The following UPF3B variants were observed in gnomAD, a reference collection of about 807,000 sequenced individuals.
UPF3B encodes UPF3B regulator of nonsense mediated mRNA decay, also known as regulator of nonsense transcripts 3B.
Under a neutral mutation model 40.3 loss-of-function variants are expected in UPF3B, and 7 were observed. That is an observed-to-expected ratio of 0.17 (90% CI 0.10 to 0.33). The LOEUF is 0.33. Ranked by LOEUF, UPF3B falls within the 10% of genes least tolerant of loss-of-function variation. UPF3B has a pLI of 1.00. For synonymous variants in UPF3B, 117 were observed against 117.3 expected, an observed-to-expected ratio of 1.00 and a Z score of 0.01; for missense variants, 229 against 358.9, an observed-to-expected ratio of 0.64 and a Z score of 2.93.
At chrX:119,813,394 C>T (rs750547132) in intron 5 of UPF3B, among the ~76,000 whole-genome samples, 14 of 109,698 alleles carry the variant, frequency 1.3e-4, no homozygotes, top group African/African-American at 4.3e-4. Context: ...ACCTCCTCCC[C>T]GCACTCACTC....
rs2056306643 is a variant in UPF3B, at chrX:119,851,764, T to TTTTTTTTTTTTTA, written c.263+2_263+3insTAAAAAAAAAAAA. 3.4e-5 allele frequency: 33 copies of TTTTTTTTTTTTTA among 968,357 alleles called. No individual in the cohort carries two copies. Among genetic ancestry groups the TTTTTTTTTTTTTA allele is most frequent in the Non-Finnish European group, 4.5e-5 (32 of 710,088 alleles). The allele number at this position is 968,357 out of a possible 1,213,427, so 79.8% of individuals were successfully genotyped here. A position where few individuals can be genotyped will look rare whatever the true frequency, so the allele number is the denominator to read the frequency against. On this transcript the variant is annotated splice_region_variant and intron_variant, in intron 2 of 10. Transcript: ENST00000276201. ...ACCCCTTTCCTTTTTTTTTTTTTTT[T>TTTTTTTTTTTTTA]ACCTCGTATCATTAGAAAAAAACTC...
rs184119627 is a variant in UPF3B, at chrX:119,816,454, C to T, written c.495-1147G>A. Reference sequence around the variant, plus strand: ...AAGGACTTATTTGAATCCCTGACCCCAGGGCCTGGCACACAGTCAGTGATT... The same window carrying T: ...AAGGACTTATTTGAATCCCTGACCCTAGGGCCTGGCACACAGTCAGTGATT... On this transcript the variant is annotated intron_variant, in intron 4 of 6. Transcript: ENST00000636792. Among the ~76,000 whole-genome samples, 8 of 111,574 alleles carry T rather than the reference C, an allele frequency of 7.2e-5. No homozygotes were observed. In the Admixed American group the frequency reaches 7.7e-4, roughly 11 times the overall value.
rs933960821 is a variant in UPF3B, at chrX:119,834,174, T to C, written c.*704A>G. ...GAGACCTAAGATCAAACACACTGGA[T>C]TGTCAAGAGTCAAACAAGGACTACA... On this transcript the variant is annotated 3_prime_UTR_variant, in exon 11 of 11. Coordinates refer to ENST00000276201, the MANE Select transcript of UPF3B (RefSeq NM_080632.3). The C allele has an allele frequency of 5.3e-6, 4 of 753,543 alleles. No homozygotes were observed. The highest frequency in any genetic ancestry group is 1.5e-4 in the East Asian group (1 of 6,619). The allele number at this position is 753,543 out of a possible 1,213,427, so 62.1% of individuals were successfully genotyped here. A position where few individuals can be genotyped will look rare whatever the true frequency, so the allele number is the denominator to read the frequency against.
downstream of UPF3B, chrX:119,833,883 A>G (rs1394784805): frequency 4.4e-6 from 1 of 226,522 alleles, no homozygotes; most frequent in Non-Finnish European, 6.3e-6. Flanking sequence ...GTTTTGGGTG[A>G]GATGCCTGCT....
At chrX:119,840,756 C>A (rs989040583) in intron 7 of UPF3B, 72 bp from the exon 8 acceptor site, 69 of 1,035,584 alleles carry the variant, frequency 6.7e-5, no homozygotes, top group Non-Finnish European at 8.8e-5. Context: ...TGAAAAAAAA[C>A]CATAAATCAT....
At chrX:119,810,713 A>C (rs1466409941) in intron 5 of UPF3B, among the ~76,000 whole-genome samples, 1 of 111,652 alleles carries the variant, frequency 9.0e-6, no homozygotes, top group Non-Finnish European at 1.9e-5. Context: ...ATTTTGAGAG[A>C]GTTTCAATGG....
intron 5 of UPF3B, 133 bp downstream of exon 5, chrX:119,843,058 T>A (rs1294348317): frequency 4.1e-6 from 2 of 492,766 alleles, no homozygotes; most frequent in Non-Finnish European, 7.2e-6. Context: ...GGTATTACCA[T>A]CTGCAATTTA....
Position 119,845,221 on chromosome X carries a change from G to T in UPF3B, c.446C>A (p.Thr149Asn). ...AAKKKTKKRD[T>N]KVGTIDDDPE... ...ACCATCATCGATAGTCCCGACTTTG[G>T]TATCTCTTTTCTTAGTCTTCTTTTT... Residue 149 changes from threonine to asparagine, a missense_variant, in exon 4 of 11, where the codon ACC (threonine) becomes AAC (asparagine). Around this residue, in one of 3 missense-constraint regions of UPF3B, gnomAD observed 87 missense variants for 184.2 expected, o/e 0.47. Coordinates refer to ENST00000276201, the MANE Select transcript of UPF3B (RefSeq NM_080632.3). 8.3e-7 allele frequency: 1 copy of T among 1,208,923 alleles called. No individual in the cohort carries two copies. The highest frequency in any genetic ancestry group is 1.1e-6 in the Non-Finnish European group (1 of 893,271).
intron 1 of UPF3B, 51 bp downstream of exon 1, chrX:119,852,722 C>T: frequency 1.7e-5 from 21 of 1,209,743 alleles, no homozygotes; most frequent in Non-Finnish European, 2.2e-5. Context: ...CCATCCTCCC[C>T]GCGCTGCGGA....
downstream of UPF3B, among the ~76,000 whole-genome samples, chrX:119,830,292 G>A (rs1464080637): frequency 9.0e-6 from 1 of 110,905 alleles, no homozygotes; most frequent in Admixed American, 9.7e-5. Flanking sequence ...TGTTGTAGGT[G>A]GGGCCTGGTG....
downstream of UPF3B, among the ~76,000 whole-genome samples, chrX:119,830,841 T>C (rs1453280128): frequency 8.9e-6 from 1 of 111,793 alleles, no homozygotes; most frequent in African/African-American, 3.2e-5. Context: ...TTTTTGCTTC[T>C]ACACTACACA....
At chrX:119,824,764 C>CTTTTTTT (rs11351287) in intron 3 of UPF3B, among the ~76,000 whole-genome samples, 3 of 65,643 alleles carry the variant, frequency 4.6e-5, no homozygotes, top group African/African-American at 6.6e-5. Flanking sequence ...CCATTTCTTT[C>CTTTTTTT]TTTTTTTTTT....
chrX:119,851,277 A>G (rs967018517), intron 3 of UPF3B, among the ~76,000 whole-genome samples: 1 of 112,285 alleles, frequency 8.9e-6, no homozygotes, highest in Admixed American at 9.5e-5. Flanking sequence ...AATGTGTCAC[A>G]CGAGGAGAAA....
At chrX:119,812,119 T>C (rs1332376916) in intron 5 of UPF3B, among the ~76,000 whole-genome samples, 1 of 110,918 alleles carries the variant, frequency 9.0e-6, no homozygotes, top group Non-Finnish European at 1.9e-5. Flanking sequence ...CCATGTGTGG[T>C]GCCAGGCATC....
At chrX:119,816,315 G>A (rs2055864811) in intron 4 of UPF3B, among the ~76,000 whole-genome samples, 1 of 111,285 alleles carries the variant, frequency 9.0e-6, no homozygotes, top group Non-Finnish European at 1.9e-5. Context: ...CAGCTTAGGG[G>A]CAAGAGGCTC....
intron 3 of UPF3B, among the ~76,000 whole-genome samples, chrX:119,849,073 T>C (rs1042943984): frequency 1.8e-5 from 2 of 112,272 alleles, no homozygotes; most frequent in African/African-American, 3.2e-5. Context: ...CCTTAAATCA[T>C]TGGCATGTAG....
intron 6 of UPF3B, 41 bp from the exon 7 acceptor site, chrX:119,841,299 C>T (rs756677126): frequency 8.3e-7 from 1 of 1,197,880 alleles, no homozygotes; most frequent in South Asian, 1.8e-5. Context: ...ATAAAATAAT[C>T]ATCACCAAAA....
At chrX:119,825,932 G>GTGGATCACTTGAGGTCC (rs2055974077) in intron 3 of UPF3B, among the ~76,000 whole-genome samples, 1 of 111,740 alleles carries the variant, frequency 8.9e-6, no homozygotes. Flanking sequence ...GTCAAGGCAA[G>GTGGATCACTTGAGGTCC]TGGATCACTT....
At chrX:119,840,949 T>C (rs1056902508) in intron 7 of UPF3B, 127 bp downstream of exon 7, 1 of 744,588 alleles carries the variant, frequency 1.3e-6, no homozygotes, top group Admixed American at 3.1e-5. Context: ...ATTGGATCAC[T>C]TCCCCCCAAA....
Sources: allele counts gnomAD v4.1 joint callset (sites outside exome capture counted in the v4.1 genomes callset), GRCh38; gene constraint gnomAD v4.1.1; regional missense constraint gnomAD v4.1.1; transcripts MANE v1.5; gene names NCBI Gene and HGNC (gene_info 2026-07-23, HGNC 2026-07-21).